The following ARHGEF11 variants were observed in gnomAD, a reference collection of about 807,000 sequenced individuals.
ARHGEF11 encodes the protein Rho guanine exchange factor (GEF) 11.
In ARHGEF11, 55 loss-of-function variants were observed where a neutral mutation model predicts 193.7. That is an observed-to-expected ratio of 0.28 (90% CI 0.23 to 0.36). ARHGEF11 has a LOEUF of 0.36. Among genes scored for constraint, ARHGEF11 ranks in the 10% least tolerant of loss-of-function variants. The pLI, the probability that ARHGEF11 is intolerant of heterozygous loss-of-function variation, is 1.00. For missense variants in ARHGEF11, 1,723 were observed against 2,005.6 expected, an observed-to-expected ratio of 0.86 and a Z score of 2.69; for synonymous variants, 693 against 768.0, an observed-to-expected ratio of 0.90 and a Z score of 1.62.
chr1:157,035,761 T>A (rs1671843214), intron 1 of ARHGEF11, among the ~76,000 whole-genome samples: 1 of 143,992 alleles, frequency 6.9e-6, no homozygotes, highest in African/African-American at 2.5e-5. Flanking sequence ...TATGTGGGAA[T>A]ATATATATAT....
chr1:156,944,878 G>T, intron 30 of ARHGEF11, 141 bp downstream of exon 30: 1 of 1,137,010 alleles, frequency 8.8e-7, no homozygotes, highest in Non-Finnish European at 1.2e-6. Flanking sequence ...AGCAGGGTGT[G>T]TGTCTTCTGG....
intron 1 of ARHGEF11, among the ~76,000 whole-genome samples, chr1:156,987,844 G>A (rs898736666): frequency 6.6e-6 from 1 of 152,068 alleles, no homozygotes; most frequent in African/African-American, 2.4e-5. Flanking sequence ...AACAAAACAC[G>A]ACATAAACCA....
At chr1:157,005,157 C>T (rs1667672562) in intron 1 of ARHGEF11, among the ~76,000 whole-genome samples, 1 of 152,200 alleles carries the variant, frequency 6.6e-6, no homozygotes, top group Non-Finnish European at 1.5e-5. Flanking sequence ...ATAGTACTTC[C>T]CTTCTTCCTT....
intron 1 of ARHGEF11, among the ~76,000 whole-genome samples, chr1:157,035,138 C>G (rs879626249): frequency 3.9e-5 from 6 of 152,134 alleles, no homozygotes; most frequent in African/African-American, 1.4e-4. Flanking sequence ...GAAGGAAAGA[C>G]ATTGTGGGTT....
intron 1 of ARHGEF11, among the ~76,000 whole-genome samples, chr1:156,994,106 C>A (rs1474149027): frequency 6.6e-6 from 1 of 152,180 alleles, no homozygotes; most frequent in Non-Finnish European, 1.5e-5. Flanking sequence ...ATCAGTCTAT[C>A]ATCTTTCTTA....
chr1:156,995,632 T>C (rs375343158), intron 1 of ARHGEF11, among the ~76,000 whole-genome samples: 2 of 151,222 alleles, frequency 1.3e-5, no homozygotes, highest in South Asian at 4.2e-4. Context: ...CACGGCTCAC[T>C]GCAGCCTCGA....
chr1:156,970,453 C>A (rs543895993), intron 8 of ARHGEF11, among the ~76,000 whole-genome samples: 32 of 152,302 alleles, frequency 2.1e-4, no homozygotes, highest in African/African-American at 7.7e-4. Context: ...ACTGACTGAG[C>A]TAGTGGGATG....
In ARHGEF11 at chr1:157,042,773, A is replaced by G. The variant is rs190522604; in HGVS notation, c.32+1526T>C. 5.1e-4 allele frequency among the ~76,000 whole-genome samples: 77 copies of G among 152,288 alleles called. 1 individual carries two copies. The highest frequency in any genetic ancestry group is 4.4e-3 in the Admixed American group (67 of 15,296). On this transcript the variant is annotated intron_variant, in intron 1 of 40. Transcript: ENST00000368194. ...GCACGCCCCCAAAACTTGGGTTCCC[A>G]TCTTCTCAAATCCTTGCATTTACCA... is the stretch of plus-strand genomic sequence containing the variant.
chr1:157,002,359 A>G (rs1319133973), intron 1 of ARHGEF11, among the ~76,000 whole-genome samples: 1 of 152,192 alleles, frequency 6.6e-6, no homozygotes, highest in East Asian at 1.9e-4. Flanking sequence ...AGATACACTC[A>G]ACAGAAATTT....
intron 1 of ARHGEF11, among the ~76,000 whole-genome samples, chr1:156,991,746 T>C: frequency 7.7e-6 from 1 of 130,302 alleles, no homozygotes; most frequent in African/African-American, 2.8e-5. Context: ...AGACGGAGTC[T>C]CGCTCTGTCG....
At chr1:156,953,424 C>T (rs111801698) in intron 21 of ARHGEF11, among the ~76,000 whole-genome samples, 511 of 152,094 alleles carry the variant, frequency 3.4e-3, no homozygotes, top group African/African-American at 6.3e-3. Context: ...GGCAACAGGG[C>T]GAAACCCTGT....
At chr1:156,963,995 A>G (rs1269845146) in intron 11 of ARHGEF11, among the ~76,000 whole-genome samples, 6 of 152,192 alleles carry the variant, frequency 3.9e-5, no homozygotes, top group Admixed American at 2.6e-4. Context: ...CCAAACACAC[A>G]TCCTCCAAAC....
Position 156,963,211 on chromosome 1 carries a change from T to C in ARHGEF11, c.1132A>G (p.Ser378Gly), listed in dbSNP as rs368833707. ...AGATGATTCTGACTTACCAGTGGACTGGGGTCCGCCTGAGAGAAGATGTAA... is the reference window on the plus strand; with the variant it reads ...AGATGATTCTGACTTACCAGTGGACCGGGGTCCGCCTGAGAGAAGATGTAA... ...LRYIFSQADP[S>G]PLLFYLCAEV... The change falls in exon 13 of 41, where the codon AGT (serine) becomes GGT (glycine). Residue 378 changes from serine (S) to glycine (G), a missense_variant. Around this residue, in one of 5 missense-constraint regions of ARHGEF11, gnomAD observed 646 missense variants for 710.7 expected, o/e 0.91. Coordinates refer to ENST00000368194, the MANE Select transcript of ARHGEF11 (RefSeq NM_198236.3). The C allele has an allele frequency of 2.4e-5, 39 of 1,613,438 alleles. No individual in the cohort carries two copies. In the African/African-American group the frequency reaches 3.2e-4, roughly 13 times the overall value.
intron 1 of ARHGEF11, among the ~76,000 whole-genome samples, chr1:157,029,568 G>T (rs190278705): frequency 1.3e-5 from 2 of 152,178 alleles, no homozygotes; most frequent in African/African-American, 4.8e-5. Flanking sequence ...CACTGTGCCC[G>T]GCTGTGCAAC....
chr1:157,034,586 G>C (rs1351614452), intron 1 of ARHGEF11, among the ~76,000 whole-genome samples: 15 of 152,218 alleles, frequency 9.9e-5, no homozygotes, highest in Non-Finnish European at 1.5e-5. Context: ...GTTAGGCATG[G>C]AATGAATCAG....
At chr1:156,989,230 C>T (rs564675352) in intron 1 of ARHGEF11, among the ~76,000 whole-genome samples, 92 of 151,554 alleles carry the variant, frequency 6.1e-4, no homozygotes, top group Non-Finnish European at 1.2e-3. Context: ...CTCAGTTATC[C>T]CCTACTGCCA....
chr1:157,007,433 A>G (rs1667960837), intron 1 of ARHGEF11, among the ~76,000 whole-genome samples: 1 of 152,190 alleles, frequency 6.6e-6, no homozygotes, highest in African/African-American at 2.4e-5. Context: ...TCCCAGACTC[A>G]GGCAGTACTG....
rs1181509485 is a variant in ARHGEF11, at chr1:157,007,702, TTC to T, written c.33-21531_33-21530del. 2.0e-5 allele frequency among the ~76,000 whole-genome samples: 3 copies of T among 152,274 alleles called. No homozygotes were observed. In the East Asian group the frequency reaches 5.8e-4, roughly 29 times the overall value. Reference sequence around the variant, plus strand: ...CAATCTGGCCACACAGAATTAAACATTCTCTCTCCCTTCTTGACACAAATACC... The same window carrying T: ...CAATCTGGCCACACAGAATTAAACATTCTCTCCCTTCTTGACACAAATACC... On this transcript the variant is annotated intron_variant, in intron 1 of 40. Coordinates refer to ENST00000368194, the MANE Select transcript of ARHGEF11 (RefSeq NM_198236.3).
At chr1:156,956,708 G>A in intron 18 of ARHGEF11, 144 bp from the exon 19 acceptor site, 1 of 1,273,966 alleles carries the variant, frequency 7.8e-7, no homozygotes, top group Non-Finnish European at 1.1e-6. Flanking sequence ...ATAATTAAAT[G>A]GGACAGCAGG....
Sources: allele counts gnomAD v4.1 joint callset (sites outside exome capture counted in the v4.1 genomes callset), GRCh38; gene constraint gnomAD v4.1.1; regional missense constraint gnomAD v4.1.1; transcripts MANE v1.5; gene names NCBI Gene and HGNC (gene_info 2026-07-23, HGNC 2026-07-21).